Variants in KDM4C observed in about 807,000 individuals in gnomAD.
KDM4C encodes the protein lysine-specific demethylase 4C.
In KDM4C, 81 loss-of-function variants were observed where a neutral mutation model predicts 129.3. That is an observed-to-expected ratio of 0.63 (90% CI 0.52 to 0.75). KDM4C has a LOEUF of 0.75. Ranked by LOEUF, KDM4C falls within the 30% of genes least tolerant of loss-of-function variation. The pLI, the probability that KDM4C is intolerant of heterozygous loss-of-function variation, is 0.00. For missense variants in KDM4C, 1,457 were observed against 1,304.0 expected (o/e 1.12, Z -1.81); for synonymous variants, 573 against 456.1 (o/e 1.26, Z -3.26).
chr9:7,085,635 C>T (rs76417370), intron 17 of KDM4C, among the ~76,000 whole-genome samples: 8,765 of 152,170 alleles, frequency 0.058, 796 homozygotes, highest in African/African-American at 0.2. Context: ...CCTGCCACTC[C>T]TTCCCTGCTC....
At chr9:6,827,550 C>T (rs1834097364) in intron 4 of KDM4C, among the ~76,000 whole-genome samples, 1 of 152,222 alleles carries the variant, frequency 6.6e-6, no homozygotes, top group South Asian at 2.1e-4. Context: ...GCAGATGGTG[C>T]TCTTGGACAG....
At chr9:6,982,934 T>C (rs1354938457) in intron 9 of KDM4C, among the ~76,000 whole-genome samples, 1 of 152,246 alleles carries the variant, frequency 6.6e-6, no homozygotes, top group Non-Finnish European at 1.5e-5. Flanking sequence ...GCTTGATATT[T>C]AGAGATTATT....
At chr9:7,096,785 G>A (rs1836490546) in intron 17 of KDM4C, among the ~76,000 whole-genome samples, 1 of 152,076 alleles carries the variant, frequency 6.6e-6, no homozygotes, top group Admixed American at 6.6e-5. Context: ...TGGGTGGTCT[G>A]GTCTGTAGAA....
chr9:7,034,527 G>T (rs1385993235), intron 15 of KDM4C, among the ~76,000 whole-genome samples: 3 of 152,172 alleles, frequency 2.0e-5, no homozygotes, highest in African/African-American at 4.8e-5. Context: ...CAAATGACAA[G>T]ATTTCATTCC....
At chr9:7,050,486 GA>G (rs966864304) in intron 17 of KDM4C, among the ~76,000 whole-genome samples, 1 of 95,452 alleles carries the variant, frequency 1.0e-5, no homozygotes, top group African/African-American at 3.5e-5. Context: ...ACGTTTGTAA[GA>G]ATTAGGACTA....
At chr9:6,761,412 G>A (rs1219504700) in intron 1 of KDM4C, among the ~76,000 whole-genome samples, 1 of 151,112 alleles carries the variant, frequency 6.6e-6, no homozygotes, top group Non-Finnish European at 1.5e-5. Context: ...TCAGCTCACT[G>A]TAACCTCTCT....
intron 15 of KDM4C, 104 bp downstream of exon 15, chr9:7,016,033 T>G: frequency 1.4e-6 from 1 of 707,024 alleles, no homozygotes; most frequent in Non-Finnish European, 2.5e-6. Flanking sequence ...TGCTTATATG[T>G]GCAGTTCTGC....
intron 17 of KDM4C, among the ~76,000 whole-genome samples, chr9:7,103,049 T>G (rs9299041): frequency 0.52 from 79,043 of 152,028 alleles, 21,212 homozygotes; most frequent in East Asian, 0.76. Flanking sequence ...GCTATAGATA[T>G]TCAACCAAAT....
In KDM4C at chr9:6,930,545, A is replaced by G. The variant is rs577434186; in HGVS notation, c.921+37313A>G. 1.7e-3 allele frequency among the ~76,000 whole-genome samples: 165 copies of G among 97,820 alleles called. 1 individual carries two copies. Among genetic ancestry groups the G allele is most frequent in the African/African-American group, 5.6e-3 (160 of 28,570 alleles). 64.2% of individuals were successfully genotyped at this position (97,820 alleles called of 152,430 possible). A position where few individuals can be genotyped will look rare whatever the true frequency, so the allele number is the denominator to read the frequency against. ...TATAATATGAATATATGTGTTATAT[A>G]TAACAACAGTATGTTATATATGTTA... On this transcript the variant is annotated intron_variant, in intron 8 of 21. Transcript: ENST00000381309.
At chr9:6,772,603 T>C (rs1377425016) in intron 1 of KDM4C, among the ~76,000 whole-genome samples, 2 of 152,134 alleles carry the variant, frequency 1.3e-5, no homozygotes, top group Non-Finnish European at 2.9e-5. Flanking sequence ...TCAAGTGATC[T>C]GTCCACCTCG....
chr9:6,774,818 G>A (rs1215661222), intron 1 of KDM4C, among the ~76,000 whole-genome samples: 1 of 152,160 alleles, frequency 6.6e-6, no homozygotes, highest in Non-Finnish European at 1.5e-5. Context: ...ATCACTGTAT[G>A]TTTCTCTTCT....
rs536462063 is a variant in KDM4C at position 6,824,493 on chromosome 9, C to T, written c.435+9748C>T. Among the ~76,000 whole-genome samples, 204 of 152,180 alleles carry T rather than the reference C, an allele frequency of 1.3e-3. 1 individual carries two copies. The highest frequency in any genetic ancestry group is 4.1e-3 in the African/African-American group (169 of 41,524). ...ACTCTTTTACTCCAAGACAGTAGTT[C>T]TCAAACTTTCATCTTAAGGCCCTGT... is the stretch of plus-strand genomic sequence containing the variant. On this transcript the variant is annotated intron_variant, in intron 4 of 21. Coordinates refer to ENST00000381309, the MANE Select transcript of KDM4C (RefSeq NM_015061.6).
intron 17 of KDM4C, among the ~76,000 whole-genome samples, chr9:7,081,581 A>G (rs566978443): frequency 2.9e-4 from 44 of 152,318 alleles, no homozygotes; most frequent in African/African-American, 1.0e-3. Context: ...TGTTCCTGGC[A>G]TTCCACTTTG....
At chr9:6,881,076 T>C (rs1317140274) in intron 6 of KDM4C, among the ~76,000 whole-genome samples, 1 of 152,240 alleles carries the variant, frequency 6.6e-6, no homozygotes, top group Non-Finnish European at 1.5e-5. Flanking sequence ...TAGGTTTGCC[T>C]TCTATTAGGA....
At chr9:7,172,895 A>T (rs1366899381) in intron 21 of KDM4C, among the ~76,000 whole-genome samples, 4 of 152,260 alleles carry the variant, frequency 2.6e-5, no homozygotes, top group African/African-American at 9.6e-5. Context: ...CATCCACCTC[A>T]GTGAAAACAG....
intron 17 of KDM4C, among the ~76,000 whole-genome samples, chr9:7,070,468 A>C (rs148780813): frequency 2.0e-5 from 3 of 152,286 alleles, no homozygotes; most frequent in East Asian, 3.9e-4. Flanking sequence ...TATACATTTC[A>C]AAAAATCCCA....
chr9:6,973,780 C>A (rs1220894311), intron 8 of KDM4C: 1 of 152,108 alleles, frequency 6.6e-6, no homozygotes, highest in East Asian at 1.9e-4. Flanking sequence ...AACATTATTT[C>A]CTCATTAATA....
At chr9:7,068,322 A>G (rs1564074255) in intron 17 of KDM4C, among the ~76,000 whole-genome samples, 1 of 152,060 alleles carries the variant, frequency 6.6e-6, no homozygotes. Flanking sequence ...TTTTACATAC[A>G]TTTGCTTATT....
At chr9:6,980,784 C>A (rs1411854374) in intron 8 of KDM4C, 141 bp from the exon 9 acceptor site, 6 of 650,914 alleles carry the variant, frequency 9.2e-6, no homozygotes, top group Non-Finnish European at 1.3e-5. Flanking sequence ...GTTTATCACC[C>A]ATTGAATGTT....
Sources: gnomAD v4.1 joint callset for allele counts (sites outside exome capture counted in the v4.1 genomes callset) on GRCh38, gnomAD v4.1.1 for gene constraint, MANE v1.5 for transcripts, NCBI Gene and HGNC (gene_info 2026-07-23, HGNC 2026-07-21) for gene names.